The following SHISA9 variants were observed in gnomAD, a reference collection of about 807,000 sequenced individuals.
SHISA9 encodes the protein protein shisa-9.
In SHISA9, 13 loss-of-function variants were observed where a neutral mutation model predicts 38.0. The ratio of observed to expected loss-of-function variants is 0.34; its 90% CI spans 0.22 to 0.54. SHISA9 has a LOEUF of 0.54. Ranked by LOEUF, SHISA9 falls within the 20% of genes least tolerant of loss-of-function variation. The pLI is 0.91. For synonymous variants in SHISA9, 275 were observed against 242.0 expected, an observed-to-expected ratio of 1.14 and a Z score of -1.27; for missense variants, 538 against 575.8, an observed-to-expected ratio of 0.93 and a Z score of 0.67.
intron 2 of SHISA9, among the ~76,000 whole-genome samples, chr16:13,017,145 A>T (rs998545161): frequency 1.3e-5 from 2 of 151,260 alleles, no homozygotes; most frequent in African/African-American, 4.9e-5. Flanking sequence ...TCAGCCTTCC[A>T]AGTAGCTGGG....
At chr16:13,549,971 C>T in the SHISA9 span, among the ~76,000 whole-genome samples, 8 of 149,808 alleles carry the variant, frequency 5.3e-5, no homozygotes, top group African/African-American at 1.5e-4. Flanking sequence ...TGCAGTGAGC[C>T]GAGATTGTGC....
chr16:13,230,809 G>C (rs2142084704), intron 4 of SHISA9, among the ~76,000 whole-genome samples: 1 of 152,322 alleles, frequency 6.6e-6, no homozygotes. Flanking sequence ...ATATGCTAAA[G>C]AAGGGGTGGA....
At chr16:13,207,369 T>C (rs970721518) in intron 3 of SHISA9, among the ~76,000 whole-genome samples, 7 of 152,200 alleles carry the variant, frequency 4.6e-5, no homozygotes, top group African/African-American at 1.7e-4. Flanking sequence ...AAATTTTCAG[T>C]GTGAAAATCA....
chr16:13,450,319 A>C, the SHISA9 span, among the ~76,000 whole-genome samples: 23 of 152,218 alleles, frequency 1.5e-4, no homozygotes, highest in Admixed American at 3.3e-4. Flanking sequence ...CTTCCCAACA[A>C]GGTCTAAGGC....
chr16:13,250,416 C>T, the SHISA9 span, among the ~76,000 whole-genome samples: 1 of 152,132 alleles, frequency 6.6e-6, no homozygotes, highest in African/African-American at 2.4e-5. Context: ...CTATTTGGCA[C>T]ATGGGTAGAC....
chr16:12,979,667 T>C (rs2072214519), intron 2 of SHISA9, among the ~76,000 whole-genome samples: 1 of 152,196 alleles, frequency 6.6e-6, no homozygotes, highest in Admixed American at 6.5e-5. Flanking sequence ...TTTGGAATTT[T>C]CTTTTCTTTT....
chr16:13,408,009 G>T, the SHISA9 span, among the ~76,000 whole-genome samples: 1 of 152,230 alleles, frequency 6.6e-6, no homozygotes, highest in South Asian at 2.1e-4. Context: ...CATGGTCAGG[G>T]TTCTGGATGG....
chr16:13,538,402 C>T, the SHISA9 span, among the ~76,000 whole-genome samples: 2 of 152,180 alleles, frequency 1.3e-5, no homozygotes, highest in Admixed American at 6.5e-5. Flanking sequence ...ATTATCTAAA[C>T]ACTTGAAGTA....
At chr16:13,009,771 G>A (rs1232443350) in intron 2 of SHISA9, among the ~76,000 whole-genome samples, 2 of 152,200 alleles carry the variant, frequency 1.3e-5, no homozygotes, top group South Asian at 2.1e-4. Flanking sequence ...GCCCAGATGC[G>A]GGATGATCAA....
At chr16:13,231,785 A>T (rs997449505) in intron 4 of SHISA9, among the ~76,000 whole-genome samples, 9 of 152,204 alleles carry the variant, frequency 5.9e-5, no homozygotes, top group Admixed American at 5.2e-4. Flanking sequence ...TAGACACAGC[A>T]TCAGAAACAG....
chr16:13,500,409 T>C, the SHISA9 span, among the ~76,000 whole-genome samples: 20 of 152,076 alleles, frequency 1.3e-4, no homozygotes, highest in Non-Finnish European at 2.6e-4. Flanking sequence ...ACAGTGCTGC[T>C]CTCGAGGAAT....
At chr16:13,271,936 G>A in the SHISA9 span, among the ~76,000 whole-genome samples, 92,829 of 151,910 alleles carry the variant, frequency 0.61, 28,480 homozygotes, top group Admixed American at 0.67. Context: ...AAAATTAGCC[G>A]GGCATGGTAG....
chr16:13,553,542 C>T, the SHISA9 span, among the ~76,000 whole-genome samples: 1 of 152,114 alleles, frequency 6.6e-6, no homozygotes, highest in Non-Finnish European at 1.5e-5. Flanking sequence ...CTCACCAGGT[C>T]TAAAATACCA....
intron 2 of SHISA9, among the ~76,000 whole-genome samples, chr16:13,086,631 G>C (rs1351361599): frequency 1.3e-5 from 2 of 151,968 alleles, no homozygotes; most frequent in Non-Finnish European, 2.9e-5. Flanking sequence ...AATGGAGACA[G>C]GGAAATGGAT....
chr16:12,917,352 A>G (rs1243655685), intron 2 of SHISA9, among the ~76,000 whole-genome samples: 1 of 152,166 alleles, frequency 6.6e-6, no homozygotes, highest in Non-Finnish European at 1.5e-5. Flanking sequence ...TTCCGTGTGT[A>G]GGGGGTGCAG....
At chr16:12,965,905 T>G (rs1031235791) in intron 2 of SHISA9, among the ~76,000 whole-genome samples, 7 of 152,226 alleles carry the variant, frequency 4.6e-5, no homozygotes, top group Admixed American at 3.3e-4. Context: ...GGGCGATAAG[T>G]GCTTATCTTA....
chr16:13,174,111 C>G (rs1422555059), intron 2 of SHISA9, among the ~76,000 whole-genome samples: 1 of 152,124 alleles, frequency 6.6e-6, no homozygotes, highest in Non-Finnish European at 1.5e-5. Flanking sequence ...TCTCCAAGGT[C>G]TTTACTAACT....
chr16:13,486,212 A>G, the SHISA9 span, among the ~76,000 whole-genome samples: 1 of 152,216 alleles, frequency 6.6e-6, no homozygotes. Context: ...GTTGGTATGT[A>G]TGTATGCTTT....
At chr16:13,451,590 T>C in the SHISA9 span, among the ~76,000 whole-genome samples, 1 of 152,132 alleles carries the variant, frequency 6.6e-6, no homozygotes, top group East Asian at 1.9e-4. Context: ...TCGGAGGACC[T>C]GAAGAGCAAG....
Sources: gnomAD v4.1 joint callset for allele counts (sites outside exome capture counted in the v4.1 genomes callset) on GRCh38, gnomAD v4.1.1 for gene constraint, MANE v1.5 for transcripts, NCBI Gene and HGNC (gene_info 2026-07-23, HGNC 2026-07-21) for gene names.